Variants in FIRRM observed in about 807,000 individuals in gnomAD.
The protein encoded by FIRRM is FIGNL1 interacting regulator of recombination and mitosis.
chr1:169,848,389 A>G, the FIRRM span, among the ~76,000 whole-genome samples: 1 of 152,188 alleles, frequency 6.6e-6, no homozygotes, highest in African/African-American at 2.4e-5. Context: ...CCTTATTACT[A>G]TAGTCAAAAT....
chr1:169,820,609 T>C, the FIRRM span, among the ~76,000 whole-genome samples: 1 of 152,226 alleles, frequency 6.6e-6, no homozygotes, highest in South Asian at 2.1e-4. Flanking sequence ...CAAGCATCTT[T>C]TCCTTTTATT....
the FIRRM span, among the ~76,000 whole-genome samples, chr1:169,810,929 G>A: frequency 7.7e-6 from 1 of 129,554 alleles, no homozygotes; most frequent in African/African-American, 2.9e-5. Context: ...GCGCAATCTC[G>A]GCTCACTGCA....
the FIRRM span, chr1:169,852,797 CAA>C: frequency 6.2e-7 from 1 of 1,613,528 alleles, no homozygotes; most frequent in East Asian, 2.2e-5. Flanking sequence ...CAGCCTTATG[CAA>C]AAAGAGCTCG....
At chr1:169,843,641 A>G in the FIRRM span, 1 of 1,380,486 alleles carries the variant, frequency 7.2e-7, no homozygotes, top group Non-Finnish European at 1.0e-6. Context: ...TGTGATTGAA[A>G]ATTTTTCTTC....
chr1:169,824,747 C>A, the FIRRM span, among the ~76,000 whole-genome samples: 1 of 152,202 alleles, frequency 6.6e-6, no homozygotes, highest in African/African-American at 2.4e-5. Context: ...TCTTGGTTCT[C>A]TTCTAGTCTT....
At chr1:169,803,612 A>C in the FIRRM span, among the ~76,000 whole-genome samples, 4 of 152,136 alleles carry the variant, frequency 2.6e-5, no homozygotes, top group Non-Finnish European at 5.9e-5. Flanking sequence ...TGTTGCATTG[A>C]CCAATATTCA....
chr1:169,798,307 G>A, the FIRRM span, among the ~76,000 whole-genome samples: 10 of 149,264 alleles, frequency 6.7e-5, no homozygotes, highest in South Asian at 1.7e-3. Context: ...ACGGAGTCTC[G>A]CCTATGCTGG....
chr1:169,852,848 T>TG, the FIRRM span: 1 of 1,614,188 alleles, frequency 6.2e-7, no homozygotes, highest in Non-Finnish European at 8.5e-7. Flanking sequence ...AGGTCAGCGC[T>TG]GCATACAATA....
the FIRRM span, among the ~76,000 whole-genome samples, chr1:169,824,376 C>G: frequency 6.6e-6 from 1 of 152,200 alleles, no homozygotes; most frequent in Non-Finnish European, 1.5e-5. Flanking sequence ...ATCAGCCTTT[C>G]CTCCATACTG....
chr1:169,792,602 T>G, the FIRRM span: 5 of 1,557,184 alleles, frequency 3.2e-6, no homozygotes, highest in Non-Finnish European at 4.3e-6. Flanking sequence ...AAAAGTTATT[T>G]CAATTATGAA....
the FIRRM span, among the ~76,000 whole-genome samples, chr1:169,835,139 T>A: frequency 1.3e-5 from 2 of 152,052 alleles, no homozygotes; most frequent in Non-Finnish European, 2.9e-5. Context: ...TACAAGATGG[T>A]GTCTTTTTAA....
chr1:169,831,398 A>G, the FIRRM span, among the ~76,000 whole-genome samples: 1 of 152,006 alleles, frequency 6.6e-6, no homozygotes. Flanking sequence ...TTGTTTTCTA[A>G]TAGTCTTATT....
At chr1:169,842,647 G>T in the FIRRM span, 1 of 1,319,958 alleles carries the variant, frequency 7.6e-7, no homozygotes, top group Non-Finnish European at 1.0e-6. Flanking sequence ...AATTCTTTTG[G>T]GTGCTTGGTA....
At chr1:169,826,967 C>T in the FIRRM span, 17 of 1,178,828 alleles carry the variant, frequency 1.4e-5, no homozygotes, top group East Asian at 4.9e-5. Flanking sequence ...TTTTTACTAC[C>T]AGAACATCAG....
chr1:169,793,090 AC>A, the FIRRM span: 2 of 1,614,166 alleles, frequency 1.2e-6, no homozygotes, highest in South Asian at 2.2e-5. Flanking sequence ...ATGCAGTTAT[AC>A]CTAGTAAACC....
the FIRRM span, among the ~76,000 whole-genome samples, chr1:169,842,264 G>A: frequency 6.6e-6 from 1 of 151,812 alleles, no homozygotes; most frequent in African/African-American, 2.4e-5. Context: ...GTGTTAAATA[G>A]CTGAAAAGAT....
the FIRRM span, among the ~76,000 whole-genome samples, chr1:169,833,555 A>G: frequency 1.3e-5 from 2 of 152,208 alleles, no homozygotes; most frequent in African/African-American, 4.8e-5. Context: ...TAATACATGC[A>G]AAACAGGATA....
the FIRRM span, among the ~76,000 whole-genome samples, chr1:169,831,555 C>CT: frequency 5.9e-5 from 9 of 152,162 alleles, no homozygotes; most frequent in Non-Finnish European, 1.3e-4. Context: ...CTTAACATAT[C>CT]TTTCACAAAG....
the FIRRM span, chr1:169,794,873 A>C: frequency 3.7e-6 from 2 of 537,082 alleles, no homozygotes; most frequent in Non-Finnish European, 6.7e-6. Flanking sequence ...AGCTCACCTC[A>C]CAACGCCTCC....
Sources: allele counts gnomAD v4.1 joint callset (sites outside exome capture counted in the v4.1 genomes callset), GRCh38; gene constraint gnomAD v4.1.1; transcripts MANE v1.5; gene names NCBI Gene and HGNC (gene_info 2026-07-23, HGNC 2026-07-21).